The following RNH1 variants were observed in gnomAD, a reference collection of about 807,000 sequenced individuals.
RNH1 encodes ribonuclease/angiogenin inhibitor 1, also known as ribonuclease inhibitor.
Under a neutral mutation model 46.1 loss-of-function variants are expected in RNH1, and 38 were observed. That is an observed-to-expected ratio of 0.82 (90% confidence interval 0.64 to 1.08). The LOEUF (loss-of-function observed/expected upper bound fraction) is 1.08, where lower values mean the gene tolerates loss of function less well. Among genes scored for constraint, RNH1 ranks in the 50% least tolerant of loss-of-function variants. The probability of loss-of-function intolerance (pLI) is 0.00; values close to 1 mark genes in which losing one functional copy is unlikely to be tolerated. For missense variants in RNH1, 577 were observed against 590.7 expected, an observed-to-expected ratio of 0.98 and a Z score of 0.24; for synonymous variants, 319 against 279.1, an observed-to-expected ratio of 1.14 and a Z score of -1.43.
At position 495,349 on chromosome 11, in the gene RNH1, T is replaced by C. The variant is rs575380817; in HGVS notation, c.1128-296A>G. ...CACCCAGAGAGCCACACCCACCCCC[T>C]TGTCACCTCGACACCGTCTGGCTGC... On this transcript the variant is annotated intron_variant, in intron 9 of 10. Transcript: ENST00000354420. Among the ~76,000 whole-genome samples the C allele has an allele frequency of 3.3e-5, 5 of 152,120 alleles. No individual in the cohort carries two copies. The East Asian group carries it at 7.7e-4, about 24-fold the overall frequency.
chr11:505,830 A>G (rs1047674564), intron 1 of RNH1: 1 of 144,040 alleles, frequency 6.9e-6, no homozygotes, highest in African/African-American at 2.7e-5. Context: ...TCGGCCTCCC[A>G]AAGTGCTGGG....
At chr11:496,531 T>C (rs1311336781) in intron 9 of RNH1, among the ~76,000 whole-genome samples, 2 of 152,132 alleles carry the variant, frequency 1.3e-5, no homozygotes, top group Non-Finnish European at 2.9e-5. Flanking sequence ...TAGCCTGGTG[T>C]GGTGACGGGC....
At chr11:506,838 G>C (rs1326762628) in intron 1 of RNH1, 2 of 152,286 alleles carry the variant, frequency 1.3e-5, no homozygotes, top group African/African-American at 4.8e-5. Context: ...CCCGGGCAAG[G>C]ACTTCCGGCA....
chr11:498,453 T>A lies in RNH1; in HGVS notation c.956+4A>T. The A allele has an allele frequency of 6.2e-7, 1 of 1,611,828 alleles. No individual in the cohort carries two copies. Among genetic ancestry groups the A allele is most frequent in the Non-Finnish European group, 8.5e-7 (1 of 1,179,860 alleles). ...CAGGGCCCTGCCCCGACAGCCACAC[T>A]CACCACAGCGACTCCAGCTGGCAGC... On this transcript the variant is annotated splice_donor_region_variant and intron_variant, in intron 8 of 10. Transcript: ENST00000354420.
chr11:507,015 G>A (rs987906896), intron 1 of RNH1, 98 bp downstream of exon 1: 15 of 151,986 alleles, frequency 9.9e-5, no homozygotes, highest in African/African-American at 3.6e-4. Flanking sequence ...GCGCAGCAAC[G>A]GCCTCAATAG....
At chr11:496,680 A>G (rs918548225) in intron 9 of RNH1, among the ~76,000 whole-genome samples, 2 of 152,152 alleles carry the variant, frequency 1.3e-5, no homozygotes, top group Non-Finnish European at 2.9e-5. Flanking sequence ...AAAACAAACA[A>G]AATAAAATTA....
At chr11:497,512 C>T (rs184051165) in intron 9 of RNH1, among the ~76,000 whole-genome samples, 1 of 149,990 alleles carries the variant, frequency 6.7e-6, no homozygotes, top group East Asian at 2.0e-4. Context: ...CGTGCTCATT[C>T]TTGCCCATGT....
chr11:494,599 A>T lies in RNH1; in HGVS notation c.*92T>A. Reference sequence around the variant, plus strand: ...GATCTGAGCGTTTCTCTTCAAACCTAGGATATGCAGGGTGAGAGCATGGCA... The same window carrying T: ...GATCTGAGCGTTTCTCTTCAAACCTTGGATATGCAGGGTGAGAGCATGGCA... On this transcript the variant is annotated 3_prime_UTR_variant, in exon 11 of 11. Transcript: ENST00000354420. 9.3e-7 allele frequency: 1 copy of T among 1,070,022 alleles called. No homozygotes were observed. The highest frequency in any genetic ancestry group is 1.4e-6 in the Non-Finnish European group (1 of 703,740). The allele number at this position is 1,070,022 out of a possible 1,614,324, so 66.3% of individuals were successfully genotyped here.
intron 1 of RNH1, chr11:505,874 CTTTT>C (rs35130438): frequency 1.8e-4 from 21 of 118,084 alleles, no homozygotes; most frequent in African/African-American, 5.2e-4. Flanking sequence ...CCTAATGTAA[CTTTT>C]TTTTTTTTTT....
At position 494,591 on chromosome 11, in the gene RNH1, T is replaced by C; in HGVS notation, c.*100A>G. The C allele has an allele frequency of 9.7e-7, 1 of 1,031,060 alleles. No individual in the cohort carries two copies. The highest frequency in any genetic ancestry group is 1.5e-6 in the Non-Finnish European group (1 of 673,326). 63.9% of individuals were successfully genotyped at this position (1,031,060 alleles called of 1,614,324 possible). ...AATAAGCGGATCTGAGCGTTTCTCT[T>C]CAAACCTAGGATATGCAGGGTGAGA... On this transcript the variant is annotated 3_prime_UTR_variant, in exon 11 of 11. Transcript: ENST00000354420.
chr11:500,856 C>T (rs1565034202), intron 3 of RNH1: 3 of 704,828 alleles, frequency 4.3e-6, no homozygotes, highest in South Asian at 1.5e-5. Context: ...TGGCCAGGCG[C>T]GGTGGCTCAC....
chr11:503,811 A>G (rs1267548060), intron 2 of RNH1, among the ~76,000 whole-genome samples: 1 of 152,078 alleles, frequency 6.6e-6, no homozygotes. Context: ...GCGCTGCGGG[A>G]GTAGCCCCGT....
At chr11:500,737 A>G (rs1230025459) in intron 3 of RNH1, 83 bp from the exon 4 acceptor site, 1 of 1,448,614 alleles carries the variant, frequency 6.9e-7, no homozygotes, top group Non-Finnish European at 9.5e-7. Context: ...GCAGGTTACA[A>G]CCTATCAGTG....
rs1031266605 is a variant in RNH1 at position 501,765 on chromosome 11, G to A, written c.101+297C>T. 2.3e-5 allele frequency: 10 copies of A among 435,278 alleles called. No individual in the cohort carries two copies. Among genetic ancestry groups the A allele is most frequent in the African/African-American group, 9.9e-5 (5 of 50,620 alleles). The allele number at this position is 435,278 out of a possible 1,614,324, so 27.0% of individuals were successfully genotyped here. A position where few individuals can be genotyped will look rare whatever the true frequency, so the allele number is the denominator to read the frequency against. On this transcript the variant is annotated intron_variant, in intron 3 of 10. Coordinates refer to ENST00000354420, the MANE Select transcript of RNH1 (RefSeq NM_203387.3). The surrounding 1 kb of genome is among the most constrained non-coding windows in gnomAD (Gnocchi z 4.1). ...GGGACCCAAGCTGTGTCCTGCCCTC[G>A]TGTCTCCAAGGGAGGGAGAGGAGCT...
At chr11:506,865 G>C (rs1258996230) in intron 1 of RNH1, 1 of 152,298 alleles carries the variant, frequency 6.6e-6, no homozygotes, top group Non-Finnish European at 1.5e-5. Context: ...AAAGGGGAGC[G>C]TGCACCGCGA....
Position 501,674 on chromosome 11 carries a change from G to T in RNH1, c.101+388C>A. 1 of 211,660 alleles carries T rather than the reference G, an allele frequency of 4.7e-6. No individual in the cohort carries two copies. The highest frequency in any genetic ancestry group is 9.5e-6 in the Non-Finnish European group (1 of 105,094). The allele number at this position is 211,660 out of a possible 1,614,324, so 13.1% of individuals were successfully genotyped here. ...AAGCTGCTGGGTTTGTGAGGACCTC[G>T]AGGGCCGAGGACTCCCAGCCCCCAG... On this transcript the variant is annotated intron_variant, in intron 3 of 10. Coordinates refer to ENST00000354420, the MANE Select transcript of RNH1 (RefSeq NM_203387.3). The surrounding 1 kb of genome is among the most constrained non-coding windows in gnomAD (Gnocchi z 4.1).
At chr11:495,693 C>T (rs1334951147) in intron 9 of RNH1, among the ~76,000 whole-genome samples, 1 of 152,198 alleles carries the variant, frequency 6.6e-6, no homozygotes, top group East Asian at 1.9e-4. Context: ...CCCAAGGTTC[C>T]TCTCCACATC....
intron 4 of RNH1, 100 bp downstream of exon 4, chr11:500,384 A>G: frequency 7.3e-7 from 1 of 1,371,986 alleles, no homozygotes; most frequent in Non-Finnish European, 9.9e-7. Context: ...CTGCCTGTCC[A>G]CCTGCAGCTG....
chr11:494,939 GC>G lies in RNH1; in HGVS notation c.1241del (p.Gly414AlafsTer44), dbSNP rs1271824536. On this transcript the variant is annotated frameshift_variant, in exon 10 of 11. Coordinates refer to ENST00000354420, the MANE Select transcript of RNH1 (RefSeq NM_203387.3). LOFTEE classifies it high-confidence loss of function. ...DLSNNCLGDA[G>X]ILQLVESVRQ... is the part of the protein sequence containing the mutation. The stretch of plus-strand genomic sequence containing the variant: ...GGACGCTCTCCACCAGCTGCAGGAT[GC>G]CGGCGTCCCCCAGGCAGTTGTTGCT... The G allele has an allele frequency of 6.2e-7, 1 of 1,609,546 alleles. No individual in the cohort carries two copies. The highest frequency in any genetic ancestry group is 1.1e-5 in the South Asian group (1 of 90,496).
Sources: gnomAD v4.1 joint callset for allele counts (sites outside exome capture counted in the v4.1 genomes callset) on GRCh38, gnomAD v4.1.1 for gene constraint, Gnocchi (gnomAD v3.1) non-coding constraint, MANE v1.5 for transcripts, NCBI Gene and HGNC (gene_info 2026-07-23, HGNC 2026-07-21) for gene names.